The following NFIC variants were observed in gnomAD, a reference collection of about 807,000 sequenced individuals.
The protein encoded by NFIC is nuclear factor I C.
Under a neutral mutation model 54.4 loss-of-function variants are expected in NFIC, and 12 were observed. The observed-to-expected ratio is 0.22, with a 90% CI of 0.14 to 0.36. The LOEUF (loss-of-function observed/expected upper bound fraction) is 0.36, where lower values mean the gene tolerates loss of function less well. Ranked by LOEUF, NFIC falls within the 10% of genes least tolerant of loss-of-function variation. NFIC has a pLI of 1.00. For missense variants in NFIC, 575 were observed against 718.2 expected (o/e 0.80, Z 2.28); for synonymous variants, 322 against 319.2 (o/e 1.01, Z -0.09).
intron 9 of NFIC, among the ~76,000 whole-genome samples, chr19:3,455,623 C>G (rs1462289144): frequency 6.6e-6 from 1 of 150,882 alleles, no homozygotes; most frequent in African/African-American, 2.4e-5. Flanking sequence ...ACTCAGGGCT[C>G]GATGAGATTA....
chr19:3,382,628 A>G (rs1008808675), intron 2 of NFIC, among the ~76,000 whole-genome samples: 2 of 151,080 alleles, frequency 1.3e-5, no homozygotes, highest in Non-Finnish European at 2.9e-5. Context: ...GGTCTGAGGG[A>G]GGAGGCTGGT....
At chr19:3,372,690 C>T (rs982533576) in intron 1 of NFIC, among the ~76,000 whole-genome samples, 2 of 142,522 alleles carry the variant, frequency 1.4e-5, no homozygotes, top group Non-Finnish European at 3.0e-5. Context: ...AGACTGTTTG[C>T]TCAAGGGGCC....
At chr19:3,402,938 G>C (rs1271814565) in intron 2 of NFIC, among the ~76,000 whole-genome samples, 1 of 152,092 alleles carries the variant, frequency 6.6e-6, no homozygotes, top group Non-Finnish European at 1.5e-5. Flanking sequence ...CAGGGCCTGT[G>C]GTCCTAGTCC....
At chr19:3,363,249 A>G (rs184461795), upstream of NFIC, among the ~76,000 whole-genome samples, 7,065 of 35,862 alleles carry the variant, frequency 0.2, 591 homozygotes, top group South Asian at 0.22. Context: ...GTGTATATAT[A>G]TATATATATA....
intron 2 of NFIC, among the ~76,000 whole-genome samples, chr19:3,393,946 A>AT (rs1006781398): frequency 2.7e-5 from 4 of 149,474 alleles, no homozygotes; most frequent in Non-Finnish European, 5.9e-5. Flanking sequence ...AGTAATGTTA[A>AT]TTTTTTTTTT....
At chr19:3,408,467 G>C (rs970117577) in intron 2 of NFIC, among the ~76,000 whole-genome samples, 4 of 151,774 alleles carry the variant, frequency 2.6e-5, no homozygotes, top group African/African-American at 9.7e-5. Flanking sequence ...CTTGAGACAG[G>C]GTTTCACTCT....
At chr19:3,397,747 C>T (rs961905280) in intron 2 of NFIC, among the ~76,000 whole-genome samples, 1 of 152,202 alleles carries the variant, frequency 6.6e-6, no homozygotes, top group East Asian at 1.9e-4. Flanking sequence ...CTGGGACATG[C>T]CCAGGCAGCG....
chr19:3,462,105 G>A (rs1378666497), intron 10 of NFIC, among the ~76,000 whole-genome samples: 1 of 151,560 alleles, frequency 6.6e-6, no homozygotes, highest in Non-Finnish European at 1.5e-5. Flanking sequence ...TTCCAGACTG[G>A]GAGTGCTGGC....
intron 2 of NFIC, among the ~76,000 whole-genome samples, chr19:3,413,175 C>T (rs1217895997): frequency 6.6e-6 from 1 of 152,054 alleles, no homozygotes; most frequent in Non-Finnish European, 1.5e-5. Context: ...TCTTGAACTC[C>T]CGACCTCAGG....
At chr19:3,457,476 C>A (rs925458492) in intron 10 of NFIC, among the ~76,000 whole-genome samples, 1 of 152,102 alleles carries the variant, frequency 6.6e-6, no homozygotes, top group Non-Finnish European at 1.5e-5. Context: ...CTGTGTAGGC[C>A]AGGAGTGTGT....
chr19:3,385,643 G>A (rs1423943809), intron 2 of NFIC, among the ~76,000 whole-genome samples: 1 of 146,442 alleles, frequency 6.8e-6, no homozygotes, highest in African/African-American at 2.6e-5. Flanking sequence ...CGCAATCTTG[G>A]CTCACTGCAA....
At chr19:3,447,548 C>T (rs1041008490) in intron 6 of NFIC, among the ~76,000 whole-genome samples, 10 of 152,186 alleles carry the variant, frequency 6.6e-5, no homozygotes, top group Admixed American at 1.3e-4. Flanking sequence ...GACGTTCCCT[C>T]GGAAAGCAGG....
At chr19:3,362,264 CTG>C (rs2080821076), upstream of NFIC, among the ~76,000 whole-genome samples, 1 of 151,734 alleles carries the variant, frequency 6.6e-6, no homozygotes, top group Non-Finnish European at 1.5e-5. Context: ...TGGAGTGTGT[CTG>C]TGATTGTGGA....
intron 2 of NFIC, among the ~76,000 whole-genome samples, chr19:3,391,525 G>A (rs1054938597): frequency 2.6e-5 from 4 of 152,052 alleles, no homozygotes; most frequent in Admixed American, 6.6e-5. Context: ...GGCCAGGCGC[G>A]GTGGCTCACA....
chr19:3,401,339 G>A (rs28406694), intron 2 of NFIC, among the ~76,000 whole-genome samples: 14 of 152,246 alleles, frequency 9.2e-5, no homozygotes, highest in African/African-American at 3.4e-4. Context: ...GGTGAGGGCA[G>A]GAGCTGGGGA....
chr19:3,442,886 C>A (rs1599701203), intron 6 of NFIC, among the ~76,000 whole-genome samples: 1 of 152,344 alleles, frequency 6.6e-6, no homozygotes, highest in Middle Eastern at 3.4e-3. Flanking sequence ...GCTGTGAGGA[C>A]CACATTAAGA....
chr19:3,378,973 G>A (rs1434106014), intron 1 of NFIC, among the ~76,000 whole-genome samples: 4 of 152,134 alleles, frequency 2.6e-5, no homozygotes, highest in East Asian at 1.9e-4. Context: ...ACCTCCAGGC[G>A]GGCCTAGTGT....
Position 3,453,975 on chromosome 19 carries a change from C to T in NFIC, c.1423+59C>T. 1.4e-6 allele frequency: 2 copies of T among 1,435,172 alleles called. No individual in the cohort carries two copies. The highest frequency in any genetic ancestry group is 1.8e-6 in the Non-Finnish European group (2 of 1,101,948). 88.9% of individuals were successfully genotyped at this position (1,435,172 alleles called of 1,614,324 possible). A position where few individuals can be genotyped will look rare whatever the true frequency, so the allele number is the denominator to read the frequency against. On this transcript the variant is annotated intron_variant, in intron 9 of 10. Coordinates refer to ENST00000443272, the MANE Select transcript of NFIC (RefSeq NM_001245002.2). The surrounding 1 kb of genome is among the most constrained non-coding windows in gnomAD (Gnocchi z 6.7). ...GGATGTCCGCAGGGGGGCCTGTCCC[C>T]TCCCCAGCCCCACTGCCAGGTCAGA...
At chr19:3,368,913 C>CTGTGTGTGTGTGTGTGTGTGTGTGTGTG (rs59920512) in intron 1 of NFIC, among the ~76,000 whole-genome samples, 18 of 147,064 alleles carry the variant, frequency 1.2e-4, no homozygotes, top group African/African-American at 4.3e-4. Flanking sequence ...TGCTCTGACT[C>CTGTGTGTGTGTGTGTGTGTGTGTGTGTG]TGTGTGTGTG....
Sources: allele counts gnomAD v4.1 joint callset (sites outside exome capture counted in the v4.1 genomes callset), GRCh38; gene constraint gnomAD v4.1.1; non-coding constraint Gnocchi (gnomAD v3.1); transcripts MANE v1.5; gene names NCBI Gene and HGNC (gene_info 2026-07-23, HGNC 2026-07-21).